Variants in CACNG3 observed in about 807,000 individuals in gnomAD.
The protein encoded by CACNG3 is voltage-dependent calcium channel gamma-3 subunit.
In CACNG3, 3 loss-of-function variants were observed where a neutral mutation model predicts 28.5. That is an observed-to-expected ratio of 0.11 (90% CI 0.05 to 0.27). CACNG3 has a LOEUF of 0.27. Among genes scored for constraint, CACNG3 ranks in the 10% least tolerant of loss-of-function variants. CACNG3 has a pLI of 1.00. For synonymous variants in CACNG3, 174 were observed against 162.2 expected, an observed-to-expected ratio of 1.07 and a Z score of -0.55; for missense variants, 236 against 414.4, an observed-to-expected ratio of 0.57 and a Z score of 3.74.
At chr16:24,272,416 T>C (rs1417255027) in intron 1 of CACNG3, among the ~76,000 whole-genome samples, 2 of 152,054 alleles carry the variant, frequency 1.3e-5, no homozygotes, top group Admixed American at 6.5e-5. Flanking sequence ...TTAGGGAGCA[T>C]ACATTTTTTC....
intron 1 of CACNG3, among the ~76,000 whole-genome samples, chr16:24,287,899 A>G (rs548921150): frequency 3.7e-4 from 56 of 152,184 alleles, no homozygotes; most frequent in South Asian, 1.0e-3. Flanking sequence ...GCTTGAGACT[A>G]GGAGTTTGAG....
At chr16:24,267,543 CT>C (rs1377458228) in intron 1 of CACNG3, among the ~76,000 whole-genome samples, 1 of 152,168 alleles carries the variant, frequency 6.6e-6, no homozygotes, top group Non-Finnish European at 1.5e-5. Flanking sequence ...CCACCGTGGC[CT>C]CCCAAAGTTC....
chr16:24,349,939 T>C (rs1184637420), intron 2 of CACNG3, among the ~76,000 whole-genome samples: 1 of 151,716 alleles, frequency 6.6e-6, no homozygotes, highest in Admixed American at 6.6e-5. Context: ...GACACAGCAC[T>C]GGACTTAGAA....
intron 1 of CACNG3, among the ~76,000 whole-genome samples, chr16:24,332,572 C>T (rs1899645366): frequency 6.6e-6 from 1 of 152,020 alleles, no homozygotes; most frequent in South Asian, 2.1e-4. Context: ...TCGTTGTTCT[C>T]TTATTAGAAG....
chr16:24,282,807 C>T (rs924284466), intron 1 of CACNG3, among the ~76,000 whole-genome samples: 1 of 151,416 alleles, frequency 6.6e-6, no homozygotes, highest in Non-Finnish European at 1.5e-5. Flanking sequence ...TTCTTTTAAT[C>T]TATATTTCTA....
chr16:24,337,124 T>C (rs1437328481), intron 1 of CACNG3, among the ~76,000 whole-genome samples: 4 of 152,168 alleles, frequency 2.6e-5, no homozygotes, highest in African/African-American at 7.2e-5. Context: ...GGCATTAGGA[T>C]TTCAAGATAG....
intron 1 of CACNG3, among the ~76,000 whole-genome samples, chr16:24,261,190 A>G (rs1379295981): frequency 6.6e-6 from 1 of 152,204 alleles, no homozygotes; most frequent in Non-Finnish European, 1.5e-5. Flanking sequence ...GTATGAAACA[A>G]GCATTTCCCA....
In CACNG3 at chr16:24,269,493, T is replaced by C. The variant is rs1898655921; in HGVS notation, c.211+12528T>C. ...TCAGCCGAGTGCGGTGGCTCACACC[T>C]GTGATCCCAGCAGTTTGGGAGGTCA... On this transcript the variant is annotated intron_variant, in intron 1 of 3. Coordinates refer to ENST00000005284, the MANE Select transcript of CACNG3 (RefSeq NM_006539.4). Among the ~76,000 whole-genome samples, 13 of 152,244 alleles carry C rather than the reference T, an allele frequency of 8.5e-5. No homozygotes were observed. The South Asian group carries it at 2.7e-3, about 32-fold the overall frequency.
chr16:24,333,911 A>G (rs1360259803), intron 1 of CACNG3, among the ~76,000 whole-genome samples: 1 of 152,094 alleles, frequency 6.6e-6, no homozygotes, highest in East Asian at 1.9e-4. Context: ...TAAAGTAAGA[A>G]TCCCTGGGAG....
chr16:24,314,995 C>A (rs1169256773), intron 1 of CACNG3, among the ~76,000 whole-genome samples: 1 of 152,140 alleles, frequency 6.6e-6, no homozygotes, highest in Non-Finnish European at 1.5e-5. Context: ...ACCTGGGTTC[C>A]TCAGGAGGCT....
rs1462315712 is a variant in CACNG3 at position 24,256,570 on chromosome 16, A to G, written c.-185A>G. The G allele has an allele frequency of 2.5e-5, 15 of 599,056 alleles. No individual in the cohort carries two copies. The highest frequency in any genetic ancestry group is 2.1e-5 in the Non-Finnish European group (7 of 335,866). 37.1% of individuals were successfully genotyped at this position (599,056 alleles called of 1,614,324 possible). On this transcript the variant is annotated 5_prime_UTR_variant, in exon 1 of 4. Transcript: ENST00000005284. The surrounding 1 kb of genome is among the most constrained non-coding windows in gnomAD (Gnocchi z 4.6). ...CCCTTCCGAGGGCCATAGGCGACCC[A>G]GGGAACTGGAGAGAGCTCCAGAAAG... is the stretch of plus-strand genomic sequence containing the variant.
At chr16:24,291,458 G>C (rs912522483) in intron 1 of CACNG3, among the ~76,000 whole-genome samples, 1 of 152,130 alleles carries the variant, frequency 6.6e-6, no homozygotes, top group Non-Finnish European at 1.5e-5. Context: ...AACCACATAG[G>C]CTTAAAAAAA....
At chr16:24,292,768 C>T (rs958739406) in intron 1 of CACNG3, among the ~76,000 whole-genome samples, 1 of 152,132 alleles carries the variant, frequency 6.6e-6, no homozygotes, top group Non-Finnish European at 1.5e-5. Flanking sequence ...ATGCTTTTTC[C>T]TTTGAGTCAG....
chr16:24,287,200 G>T (rs1212380025), intron 1 of CACNG3, among the ~76,000 whole-genome samples: 1 of 152,174 alleles, frequency 6.6e-6, no homozygotes, highest in Non-Finnish European at 1.5e-5. Flanking sequence ...TGTTGTGATA[G>T]GCAACAGGTA....
In CACNG3 at chr16:24,361,051, T is replaced by C. The variant is rs558563083; in HGVS notation, c.437-301T>C. Among the ~76,000 whole-genome samples, 10 of 152,322 alleles carry C rather than the reference T, an allele frequency of 6.6e-5. No individual in the cohort carries two copies. The highest frequency in any genetic ancestry group is 6.8e-3 in the Middle Eastern group (2 of 294). ...TCATGACTTAGTGCCAAAGATTAAG[T>C]GTTGATGAGATGAATTGCTTCTAAG... On this transcript the variant is annotated intron_variant, in intron 3 of 3. Coordinates refer to ENST00000005284, the MANE Select transcript of CACNG3 (RefSeq NM_006539.4). This position sits in a 1 kb window ranked among gnomAD's most constrained non-coding sequence, Gnocchi z 6.8.
At chr16:24,318,134 C>G (rs1028886308) in intron 1 of CACNG3, among the ~76,000 whole-genome samples, 9 of 152,152 alleles carry the variant, frequency 5.9e-5, no homozygotes, top group African/African-American at 1.9e-4. Flanking sequence ...CCTCAGCATC[C>G]CTAGAGCTGG....
chr16:24,299,039 A>G (rs1164714215), intron 1 of CACNG3, among the ~76,000 whole-genome samples: 2 of 151,942 alleles, frequency 1.3e-5, no homozygotes, highest in East Asian at 1.9e-4. Context: ...GCCCCTGTAG[A>G]GTTACTTTTT....
intron 1 of CACNG3, among the ~76,000 whole-genome samples, chr16:24,344,301 C>T (rs865908012): frequency 4.0e-5 from 6 of 151,494 alleles, no homozygotes; most frequent in Middle Eastern, 6.8e-3. Flanking sequence ...GCCTGGTGGT[C>T]GGGAGGCTGT....
intron 1 of CACNG3, among the ~76,000 whole-genome samples, chr16:24,280,821 C>CAAAAA (rs71154295): frequency 0.17 from 9,617 of 55,582 alleles, 1,904 homozygotes; most frequent in Non-Finnish European, 0.22. Flanking sequence ...GAGTTTGTCT[C>CAAAAA]AAAAAAAAAA....
Sources: allele counts gnomAD v4.1 joint callset (sites outside exome capture counted in the v4.1 genomes callset), GRCh38; gene constraint gnomAD v4.1.1; non-coding constraint Gnocchi (gnomAD v3.1); transcripts MANE v1.5; gene names NCBI Gene and HGNC (gene_info 2026-07-23, HGNC 2026-07-21).